The following FLT1 variants were observed in gnomAD, a reference collection of about 807,000 sequenced individuals.
FLT1 encodes fms related receptor tyrosine kinase 1, also known as vascular endothelial growth factor receptor 1.
FLT1 carries 49 observed loss-of-function variants against 156.3 expected under a neutral mutation model. The ratio of observed to expected loss-of-function variants is 0.31; its 90% CI spans 0.25 to 0.40. The LOEUF is 0.40. Ranked by LOEUF, FLT1 falls within the 10% of genes least tolerant of loss-of-function variation. FLT1 has a pLI of 1.00. For missense variants in FLT1, 1,322 were observed against 1,637.2 expected (o/e 0.81, Z 3.32); for synonymous variants, 594 against 583.8 (o/e 1.02, Z -0.25).
At chr13:28,361,863 G>A (rs1038646057) in intron 14 of FLT1, among the ~76,000 whole-genome samples, 2 of 152,200 alleles carry the variant, frequency 1.3e-5, no homozygotes, top group African/African-American at 2.4e-5. Flanking sequence ...AATCTTGGTT[G>A]AGGAGTTTCA....
rs919837128 is a variant in FLT1 at position 28,439,627 on chromosome 13, C to A, written c.389-1282G>T. The stretch of plus-strand genomic sequence containing the variant: ...ATTGCTTAAGCTAAGTAAGGGAGGG[C>A]TCCTCATCCAATGTGATTAGCATCC... On this transcript the variant is annotated intron_variant, in intron 3 of 29. Transcript: ENST00000282397. The surrounding 1 kb of genome is among the most constrained non-coding windows in gnomAD (Gnocchi z 4.1). Among the ~76,000 whole-genome samples, 3 of 152,212 alleles carry A rather than the reference C, an allele frequency of 2.0e-5. No homozygotes were observed. Among genetic ancestry groups the A allele is most frequent in the Admixed American group, 1.3e-4 (2 of 15,278 alleles).
At chr13:28,448,116 G>T (rs1271659019) in intron 3 of FLT1, among the ~76,000 whole-genome samples, 1 of 152,174 alleles carries the variant, frequency 6.6e-6, no homozygotes, top group East Asian at 1.9e-4. Context: ...TACAAGTGTT[G>T]GCAAGGATGT....
chr13:28,403,200 G>C (rs1875565867), intron 11 of FLT1, among the ~76,000 whole-genome samples: 1 of 152,134 alleles, frequency 6.6e-6, no homozygotes, highest in Non-Finnish European at 1.5e-5. Context: ...AGAGAGGTGA[G>C]CTGGTTTGTA....
chr13:28,351,651 T>TATAAAATG (rs1872737561), intron 15 of FLT1, among the ~76,000 whole-genome samples: 1 of 152,224 alleles, frequency 6.6e-6, no homozygotes, highest in Admixed American at 6.5e-5. Flanking sequence ...TGTATTCCCA[T>TATAAAATG]TATATTTTAA....
chr13:28,303,496 C>CCCA (rs371267242), intron 29 of FLT1, 128 bp from the exon 30 acceptor site: 1 of 799,092 alleles, frequency 1.3e-6, no homozygotes, highest in African/African-American at 1.7e-5. Flanking sequence ...TTTGGAACCC[C>CCCA]CCCCCCCTCA....
intron 1 of FLT1, among the ~76,000 whole-genome samples, chr13:28,470,880 G>A (rs762424391): frequency 6.6e-6 from 1 of 152,058 alleles, no homozygotes; most frequent in Non-Finnish European, 1.5e-5. Context: ...TAGTAGAGAC[G>A]GGGTTTTGCC....
chr13:28,384,942 C>T lies in FLT1; in HGVS notation c.2059G>A (p.Val687Ile), dbSNP rs1284789634. ...STTLDCHANGVPEPQITWFKN... is the reference protein window; with the variant it reads ...STTLDCHANGIPEPQITWFKN... ...AACCAAGTGATCTGAGGCTCGGGGA[C>T]ACCATTAGCATGACAGTCTAAAGTG... Residue 687 changes from valine (V) to isoleucine (I), a missense_variant, in exon 14 of 30, where the codon GTC becomes ATC. Transcript: ENST00000282397. 1 of 1,614,038 alleles carries T rather than the reference C, an allele frequency of 6.2e-7. No individual in the cohort carries two copies. Among genetic ancestry groups the T allele is most frequent in the African/African-American group, 1.3e-5 (1 of 75,008 alleles).
intron 1 of FLT1, among the ~76,000 whole-genome samples, chr13:28,469,879 G>A (rs1237098289): frequency 1.3e-5 from 2 of 151,914 alleles, no homozygotes; most frequent in African/African-American, 4.8e-5. Context: ...TCAGCCTCCT[G>A]AGTAGCTGGG....
chr13:28,332,442 G>C (rs1162452883), intron 18 of FLT1, among the ~76,000 whole-genome samples: 1 of 152,034 alleles, frequency 6.6e-6, no homozygotes, highest in South Asian at 2.1e-4. Context: ...GCAGAGAAAC[G>C]GGACTAGCTG....
At chr13:28,343,762 C>A (rs1163732214) in intron 16 of FLT1, among the ~76,000 whole-genome samples, 2 of 151,580 alleles carry the variant, frequency 1.3e-5, no homozygotes, top group Non-Finnish European at 2.9e-5. Context: ...CCTGCCTCAG[C>A]CTCCCGAGTA....
chr13:28,318,543 A>G (rs1871299027), intron 24 of FLT1, among the ~76,000 whole-genome samples: 1 of 152,190 alleles, frequency 6.6e-6, no homozygotes, highest in Non-Finnish European at 1.5e-5. Flanking sequence ...TACTGCTGGT[A>G]GGAAGCAGCT....
chr13:28,316,845 A>G lies in FLT1; in HGVS notation c.3386+653T>C, dbSNP rs1028108185. Among the ~76,000 whole-genome samples, 4 of 151,060 alleles carry G rather than the reference A, an allele frequency of 2.6e-5. No homozygotes were observed. In the South Asian group the frequency reaches 8.4e-4, roughly 32 times the overall value. On this transcript the variant is annotated intron_variant, in intron 25 of 29. Coordinates refer to ENST00000282397, the MANE Select transcript of FLT1 (RefSeq NM_002019.4). ...ACCATGTCGGCCAGGCTAGTCTCGA[A>G]CTCCTGACCTCAAGTGATCCGCCCG...
intron 20 of FLT1, among the ~76,000 whole-genome samples, chr13:28,325,634 G>A (rs1232819811): frequency 6.6e-6 from 1 of 151,990 alleles, no homozygotes; most frequent in Admixed American, 6.6e-5. Flanking sequence ...CCAACATGGT[G>A]AAACTCCGTC....
chr13:28,343,629 TTTTCTTTTTTTC>T (rs1872435722), intron 16 of FLT1, among the ~76,000 whole-genome samples: 1 of 151,302 alleles, frequency 6.6e-6, no homozygotes, highest in African/African-American at 2.4e-5. Flanking sequence ...ATTTCTCTTC[TTTTCTTTTTTTC>T]TTTCTTTTTT....
At position 28,322,922 on chromosome 13, in the gene FLT1, T is replaced by C; in HGVS notation, c.2821A>G (p.Lys941Glu). Reference sequence around the variant, plus strand: ...AGGCCTGGCTCCATTTTTTCTTTCTTAGGCTCCATGTGTAGTGCTGCATCC... The same window carrying C: ...AGGCCTGGCTCCATTTTTTCTTTCTCAGGCTCCATGTGTAGTGCTGCATCC... ...NKDAALHMEP[K>E]KEKMEPGLEQ... is the part of the protein sequence containing the mutation. Residue 941 changes from lysine (K) to glutamate (E), a missense_variant, in exon 21 of 30, where the codon AAG becomes GAG. Lys to Glu is a moderately conservative substitution (Grantham distance 56). This residue lies in a region of FLT1 where 991 missense variants were observed against 1,254.8 expected (regional missense o/e 0.79). Coordinates refer to ENST00000282397, the MANE Select transcript of FLT1 (RefSeq NM_002019.4). This position sits in a 1 kb window ranked among gnomAD's most constrained non-coding sequence, Gnocchi z 4.3. 6.2e-7 allele frequency: 1 copy of C among 1,614,144 alleles called. No homozygotes were observed. The highest frequency in any genetic ancestry group is 8.5e-7 in the Non-Finnish European group (1 of 1,180,024).
At chr13:28,438,705 C>T (rs1388190811) in intron 3 of FLT1, among the ~76,000 whole-genome samples, 3 of 152,196 alleles carry the variant, frequency 2.0e-5, no homozygotes, top group African/African-American at 4.8e-5. Context: ...CTAAGTGCCT[C>T]AGGAAGCGCC....
At chr13:28,388,929 C>T in intron 13 of FLT1, 1 of 1,064,822 alleles carries the variant, frequency 9.4e-7, no homozygotes, top group Non-Finnish European at 1.1e-6. Context: ...GTGGTGCAGT[C>T]AGAGACAGCA....
At position 28,317,621 on chromosome 13, in the gene FLT1, A is replaced by T. The variant is rs377741993; in HGVS notation, c.3287-24T>A. The T allele has an allele frequency of 4.0e-6, 6 of 1,491,656 alleles. No homozygotes were observed. The African/African-American group carries it at 8.3e-5, about 21-fold the overall frequency. The allele number at this position is 1,491,656 out of a possible 1,614,324, so 92.4% of individuals were successfully genotyped here. The stretch of plus-strand genomic sequence containing the variant: ...ACCTGCGGGAGACAATGTGGAAAAC[A>T]CAGGGCCTGTTATGGCTTAAGGGTA... On this transcript the variant is annotated intron_variant, in intron 24 of 29. Transcript: ENST00000282397.
Position 28,434,066 on chromosome 13 carries a change from T to C in FLT1, c.668A>G (p.His223Arg). 6.2e-7 allele frequency: 1 copy of C among 1,614,210 alleles called. No homozygotes were observed. The highest frequency in any genetic ancestry group is 1.7e-5 in the Admixed American group (1 of 60,032). Residue 223 changes from histidine (H) to arginine (R), a missense_variant, in exon 5 of 30, where the codon CAT becomes CGT. Physicochemically the swap from His to Arg is conservative, Grantham distance 29 (BLOSUM62 0). Coordinates refer to ENST00000282397, the MANE Select transcript of FLT1 (RefSeq NM_002019.4). ...TTTGAAGCATCACTTACTTTGTCGA[T>C]GTGTGAGATAGTTTGTCTTATACAA... ...GHLYKTNYLT[H>R]RQTNTIIDVQ...
Sources: gnomAD v4.1 joint callset for allele counts (sites outside exome capture counted in the v4.1 genomes callset) on GRCh38, gnomAD v4.1.1 for gene constraint, gnomAD v4.1.1 regional missense constraint, Gnocchi (gnomAD v3.1) non-coding constraint, MANE v1.5 for transcripts, NCBI Gene and HGNC (gene_info 2026-07-23, HGNC 2026-07-21) for gene names.